The following CCNI variants were observed in gnomAD, a reference collection of about 807,000 sequenced individuals.
CCNI encodes cyclin-I.
Under a neutral mutation model 34.1 loss-of-function variants are expected in CCNI, and 14 were observed. The ratio of observed to expected loss-of-function variants is 0.41; its 90% confidence interval spans 0.27 to 0.64. The LOEUF (loss-of-function observed/expected upper bound fraction) is 0.64. Among genes scored for constraint, CCNI ranks in the 30% least tolerant of loss-of-function variants. CCNI has a pLI of 0.31. For synonymous variants in CCNI, 154 were observed against 158.4 expected, an observed-to-expected ratio of 0.97 and a Z score of 0.21; for missense variants, 385 against 440.5, an observed-to-expected ratio of 0.87 and a Z score of 1.13.
chr4:77,061,057 C>G (rs1728567273), intron 2 of CCNI, among the ~76,000 whole-genome samples: 1 of 152,142 alleles, frequency 6.6e-6, no homozygotes, highest in Non-Finnish European at 1.5e-5. Flanking sequence ...CTATGTTTGG[C>G]CCATATACCA....
chr4:77,057,326 T>G (rs748243996), intron 3 of CCNI, among the ~76,000 whole-genome samples: 2 of 152,228 alleles, frequency 1.3e-5, no homozygotes, highest in African/African-American at 2.4e-5. Flanking sequence ...TATTAAACAT[T>G]TGAAACAAAG....
chr4:77,074,023 C>T (rs1287286960), intron 1 of CCNI, among the ~76,000 whole-genome samples: 1 of 152,012 alleles, frequency 6.6e-6, no homozygotes, highest in African/African-American at 2.4e-5. Flanking sequence ...ATTTTTCTTA[C>T]TACACCCCCA....
rs1727564733 is a variant in CCNI, at chr4:77,048,194, C to T, written c.*25G>A. The T allele has an allele frequency of 7.0e-6, 11 of 1,571,420 alleles. No individual in the cohort carries two copies. The highest frequency in any genetic ancestry group is 9.6e-6 in the Non-Finnish European group (11 of 1,148,212). On this transcript the variant is annotated 3_prime_UTR_variant, in exon 7 of 7. Coordinates refer to ENST00000237654, the MANE Select transcript of CCNI (RefSeq NM_006835.3). ...TCCCAAAGTAGTCTACCTTAGTTTA[C>T]ACTCAAAGGTAGCACTTGTTGAAAC... is the stretch of plus-strand genomic sequence containing the variant.
chr4:77,062,296 A>G (rs982938809), intron 2 of CCNI, among the ~76,000 whole-genome samples: 1 of 152,236 alleles, frequency 6.6e-6, no homozygotes, highest in Non-Finnish European at 1.5e-5. Flanking sequence ...ATTTCTGGGC[A>G]TGGCTCACAA....
At chr4:77,058,476 G>A (rs756048675) in intron 3 of CCNI, 31 bp downstream of exon 3, 1 of 1,573,254 alleles carries the variant, frequency 6.4e-7, no homozygotes. Flanking sequence ...CTCAAATGAG[G>A]TTATATGTAA....
intron 6 of CCNI, among the ~76,000 whole-genome samples, chr4:77,051,208 C>T (rs1727802251): frequency 6.6e-6 from 1 of 152,114 alleles, no homozygotes; most frequent in Non-Finnish European, 1.5e-5. Context: ...TGGTTGAATC[C>T]AGATGCCAAA....
At chr4:77,060,612 C>T (rs1728541168) in intron 2 of CCNI, among the ~76,000 whole-genome samples, 1 of 151,154 alleles carries the variant, frequency 6.6e-6, no homozygotes, top group South Asian at 2.1e-4. Context: ...GTACGTGCCA[C>T]CAGGCCCGGC....
intron 2 of CCNI, among the ~76,000 whole-genome samples, chr4:77,061,792 C>T (rs965470468): frequency 8.5e-5 from 13 of 152,178 alleles, no homozygotes; most frequent in African/African-American, 2.9e-4. Flanking sequence ...GCCTCAGCCT[C>T]CTGGGTAGCT....
At chr4:77,065,423 AATTAT>A (rs1728959460) in intron 2 of CCNI, among the ~76,000 whole-genome samples, 2 of 152,364 alleles carry the variant, frequency 1.3e-5, no homozygotes, top group Non-Finnish European at 2.9e-5. Flanking sequence ...TGTGAAAAAT[AATTAT>A]ATATGACAGA....
intron 2 of CCNI, among the ~76,000 whole-genome samples, chr4:77,061,287 G>C (rs1399427401): frequency 2.6e-5 from 4 of 152,140 alleles, no homozygotes; most frequent in Non-Finnish European, 4.4e-5. Context: ...CAAATAGTAA[G>C]TTCTGCGCCT....
At position 77,066,420 on chromosome 4, in the gene CCNI, A is replaced by G. The variant is rs748165557; in HGVS notation, c.-43-15T>C. 6.3e-7 allele frequency: 1 copy of G among 1,596,358 alleles called. No individual in the cohort carries two copies. On this transcript the variant is annotated splice_polypyrimidine_tract_variant and intron_variant, in intron 1 of 6. Transcript: ENST00000237654. ...GCTGTAGCTACCTACAGAATCAAGT[A>G]AGTTTTAAAATTAGTTATAGAATAA...
intron 1 of CCNI, 135 bp from the exon 2 acceptor site, chr4:77,066,540 G>C (rs1044257986): frequency 1.7e-6 from 1 of 576,454 alleles, no homozygotes; most frequent in Non-Finnish European, 3.0e-6. Context: ...TTAAAATATC[G>C]TATTAAAATA....
chr4:77,072,876 G>A (rs1729592283), intron 1 of CCNI, among the ~76,000 whole-genome samples: 4 of 151,992 alleles, frequency 2.6e-5, no homozygotes, highest in Admixed American at 2.6e-4. Context: ...GCAGTATAGG[G>A]TCATAATGTA....
chr4:77,072,638 T>TAAAAAA (rs61247567), intron 1 of CCNI, among the ~76,000 whole-genome samples: 56 of 101,344 alleles, frequency 5.5e-4, no homozygotes, highest in Non-Finnish European at 6.3e-4. Flanking sequence ...CCCAATCTCT[T>TAAAAAA]AAAAAAAAAA....
chr4:77,059,257 T>C (rs866423025), intron 2 of CCNI, among the ~76,000 whole-genome samples: 30 of 152,010 alleles, frequency 2.0e-4, no homozygotes, highest in African/African-American at 6.3e-4. Context: ...TGTAAGCCTA[T>C]TGAGTATAAG....
At chr4:77,049,404 G>A (rs1283717136) in intron 6 of CCNI, among the ~76,000 whole-genome samples, 1 of 152,100 alleles carries the variant, frequency 6.6e-6, no homozygotes, top group African/African-American at 2.4e-5. Context: ...ATGGCCAGGC[G>A]TGGTGGCTCA....
At chr4:77,067,658 T>C (rs1387149500) in intron 1 of CCNI, among the ~76,000 whole-genome samples, 1 of 142,582 alleles carries the variant, frequency 7.0e-6, no homozygotes. Context: ...GCCCAGGTAA[T>C]TTTGTGGGGT....
At chr4:77,065,082 A>T (rs1728939993) in intron 2 of CCNI, 1 of 152,236 alleles carries the variant, frequency 6.6e-6, no homozygotes, top group Admixed American at 6.5e-5. Flanking sequence ...GCATATATAT[A>T]AACACTCCTC....
At position 77,055,378 on chromosome 4, in the gene CCNI, G is replaced by A; in HGVS notation, c.462C>T (p.Phe154=). 6.2e-7 allele frequency: 1 copy of A among 1,601,474 alleles called. No individual in the cohort carries two copies. Among genetic ancestry groups the A allele is most frequent in the South Asian group, 1.1e-5 (1 of 90,502 alleles). The part of the protein sequence containing the change: ...TATPLDFLHI[F]HAIAVSTRPQ... ...GCCTAGTTGACACTGCAATGGCATG[G>A]AACTGAAAATCACAAGAACATCATT... The change falls in exon 6 of 7, where the codon TTC becomes TTT. Residue 154 remains phenylalanine (F), a splice_region_variant and synonymous_variant. Coordinates refer to ENST00000237654, the MANE Select transcript of CCNI (RefSeq NM_006835.3).
Sources: allele counts gnomAD v4.1 joint callset (sites outside exome capture counted in the v4.1 genomes callset), GRCh38; gene constraint gnomAD v4.1.1; transcripts MANE v1.5; gene names NCBI Gene and HGNC (gene_info 2026-07-23, HGNC 2026-07-21).